The following SLC75A1 variants were observed in gnomAD, a reference collection of about 807,000 sequenced individuals.
SLC75A1 encodes major facilitator superfamily domain containing 10.
chr4:2,931,758 G>C, the SLC75A1 span: 13 of 1,539,614 alleles, frequency 8.4e-6, no homozygotes, highest in Non-Finnish European at 1.2e-5. Flanking sequence ...TGGGGATGGG[G>C]GTTGCTTCCC....
chr4:2,933,802 A>T, the SLC75A1 span: 2 of 1,592,296 alleles, frequency 1.3e-6, no homozygotes, highest in Non-Finnish European at 1.7e-6. Context: ...GGGCAGCAGC[A>T]GCGTGAAGGC....
the SLC75A1 span, chr4:2,933,472 G>A: frequency 2.4e-5 from 33 of 1,363,890 alleles, no homozygotes; most frequent in South Asian, 3.9e-4. Flanking sequence ...GAGTGGGAAG[G>A]CAAGGACCGA....
At chr4:2,933,762 G>A in the SLC75A1 span, 47 of 1,599,090 alleles carry the variant, frequency 2.9e-5, no homozygotes, top group African/African-American at 5.6e-4. Context: ...CGTGGGCACG[G>A]CCGTGGCTCT....
At chr4:2,933,910 C>T in the SLC75A1 span, 154 of 1,565,346 alleles carry the variant, frequency 9.8e-5, no homozygotes, top group Middle Eastern at 6.1e-4. Context: ...GCCTCCACCC[C>T]CTCCCCATCC....
At chr4:2,933,891 C>G in the SLC75A1 span, 81,282 of 1,575,522 alleles carry the variant, frequency 0.052, 2,854 homozygotes, top group Admixed American at 0.17. Flanking sequence ...TGGGTGGGCG[C>G]GGGGTGCAGC....
the SLC75A1 span, chr4:2,932,724 G>A: frequency 6.3e-7 from 1 of 1,594,978 alleles, no homozygotes; most frequent in Non-Finnish European, 8.5e-7. Context: ...GCTCCGAGAG[G>A]TGGCCCAGAC....
the SLC75A1 span, chr4:2,933,510 A>G: frequency 1.3e-6 from 2 of 1,553,638 alleles, no homozygotes; most frequent in Non-Finnish European, 1.8e-6. Context: ...GGGCTGGACC[A>G]CGTCCACCAA....
the SLC75A1 span, chr4:2,930,882 G>A: frequency 2.5e-6 from 4 of 1,613,132 alleles, no homozygotes; most frequent in Non-Finnish European, 3.4e-6. Flanking sequence ...AGCTTCTGCA[G>A]GAGGAAGAAG....
the SLC75A1 span, chr4:2,933,202 A>G: frequency 8.7e-6 from 14 of 1,613,730 alleles, no homozygotes; most frequent in Admixed American, 1.7e-4. Context: ...ATGCCGAGCC[A>G]ATGAGACCTG....
At chr4:2,932,610 C>G in the SLC75A1 span, 1 of 1,613,198 alleles carries the variant, frequency 6.2e-7, no homozygotes, top group Non-Finnish European at 8.5e-7. Flanking sequence ...CATGCCTTGA[C>G]TGCGGGCCAG....
the SLC75A1 span, chr4:2,932,267 G>C: frequency 2.6e-6 from 4 of 1,553,406 alleles, 1 homozygote; most frequent in South Asian, 3.5e-5. Flanking sequence ...CTGGCATCTG[G>C]GGCTGGCACA....
chr4:2,930,965 C>T, the SLC75A1 span: 92 of 1,612,834 alleles, frequency 5.7e-5, no homozygotes, highest in Middle Eastern at 6.6e-4. Context: ...TGCGGAGAGA[C>T]GGTGGCGTCA....
chr4:2,932,613 C>T, the SLC75A1 span: 24 of 1,612,864 alleles, frequency 1.5e-5, no homozygotes, highest in South Asian at 8.8e-5. Context: ...GCCTTGACTG[C>T]GGGCCAGAGG....
At chr4:2,933,065 G>A in the SLC75A1 span, 3 of 1,584,436 alleles carry the variant, frequency 1.9e-6, no homozygotes, top group Admixed American at 3.4e-5. Context: ...TGGCTGGGTG[G>A]GAGGAGGCTT....
At chr4:2,934,312 A>G in the SLC75A1 span, 4 of 228,334 alleles carry the variant, frequency 1.8e-5, no homozygotes, top group Admixed American at 1.6e-4. Flanking sequence ...TCCCGATCCC[A>G]ACCCCAACCC....
At chr4:2,932,665 T>C in the SLC75A1 span, 1 of 1,611,634 alleles carries the variant, frequency 6.2e-7, no homozygotes. Context: ...AGGCTGACGT[T>C]CCCTTTGCTG....
chr4:2,930,755 G>A, the SLC75A1 span: 2 of 1,462,772 alleles, frequency 1.4e-6, no homozygotes, highest in South Asian at 1.3e-5. Flanking sequence ...GGACTGGCGG[G>A]GGGTGGGGGT....
At chr4:2,930,572 C>CAA in the SLC75A1 span, 1 of 545,948 alleles carries the variant, frequency 1.8e-6, no homozygotes, top group Non-Finnish European at 3.3e-6. Context: ...TGGTATAAAA[C>CAA]AAACAGGTGC....
chr4:2,931,345 C>T, the SLC75A1 span: 41 of 1,543,606 alleles, frequency 2.7e-5, no homozygotes, highest in East Asian at 3.4e-4. Context: ...TGCTGCCCAT[C>T]GGATCCCCTG....
Sources: gnomAD v4.1 joint callset for allele counts on GRCh38, gnomAD v4.1.1 for gene constraint, MANE v1.5 for transcripts, NCBI Gene and HGNC (gene_info 2026-07-23, HGNC 2026-07-21) for gene names.